XYLT1: variants seen among roughly 807,000 people sequenced by gnomAD.
XYLT1 encodes xylosyltransferase 1, also known as beta-D-xylosyltransferase 1.
A neutral mutation model predicts 91.3 loss-of-function variants in XYLT1; 36 were observed. The observed-to-expected ratio is 0.39, with a 90% CI of 0.30 to 0.52. XYLT1 has a LOEUF of 0.52. XYLT1 is among the 20% of genes least tolerant of loss of function. XYLT1 has a pLI of 0.68. For missense variants in XYLT1, 1,242 were observed against 1,284.5 expected (o/e 0.97, Z 0.51); for synonymous variants, 588 against 532.0 (o/e 1.11, Z -1.45).
At chr16:17,416,891 G>A (rs1272386779) in intron 1 of XYLT1, among the ~76,000 whole-genome samples, 5 of 152,176 alleles carry the variant, frequency 3.3e-5, no homozygotes, top group African/African-American at 9.7e-5. Flanking sequence ...CAGCAGAGAC[G>A]TTTAACCTTG....
chr16:17,134,150 T>C (rs1215147207), intron 9 of XYLT1, among the ~76,000 whole-genome samples: 3 of 152,198 alleles, frequency 2.0e-5, no homozygotes, highest in Non-Finnish European at 4.4e-5. Flanking sequence ...AAAAGTTTTG[T>C]ACCTTCCACT....
At chr16:17,333,814 C>A (rs983557767) in intron 2 of XYLT1, among the ~76,000 whole-genome samples, 3 of 151,972 alleles carry the variant, frequency 2.0e-5, no homozygotes, top group African/African-American at 7.3e-5. Context: ...TCTCGAACTC[C>A]TGACTTCAAG....
chr16:17,435,904 A>T (rs2036452718), intron 1 of XYLT1, among the ~76,000 whole-genome samples: 1 of 152,234 alleles, frequency 6.6e-6, no homozygotes, highest in South Asian at 2.1e-4. Context: ...GGCAGGAAGT[A>T]GTAGTAATGT....
chr16:17,266,683 G>A (rs1002542108), intron 2 of XYLT1, among the ~76,000 whole-genome samples: 25 of 152,284 alleles, frequency 1.6e-4, no homozygotes, highest in African/African-American at 5.8e-4. Flanking sequence ...CCCGCTCATC[G>A]TGATCAGTTT....
At chr16:17,347,562 A>G (rs2035160510) in intron 2 of XYLT1, among the ~76,000 whole-genome samples, 1 of 152,188 alleles carries the variant, frequency 6.6e-6, no homozygotes, top group South Asian at 2.1e-4. Context: ...CTCTCTAAAA[A>G]AAGAGCTCGT....
At chr16:17,162,951 T>C (rs1348218886) in intron 5 of XYLT1, among the ~76,000 whole-genome samples, 1 of 152,130 alleles carries the variant, frequency 6.6e-6, no homozygotes, top group Non-Finnish European at 1.5e-5. Context: ...GTCTTGAGAG[T>C]ATTAAATAAA....
At chr16:17,218,913 G>A (rs1197131036) in intron 3 of XYLT1, among the ~76,000 whole-genome samples, 2 of 152,160 alleles carry the variant, frequency 1.3e-5, no homozygotes, top group Non-Finnish European at 2.9e-5. Flanking sequence ...TATACCCTGG[G>A]GCAGTGGCAG....
At position 17,366,720 on chromosome 16, in the gene XYLT1, C is replaced by A. The variant is rs116646685; in HGVS notation, c.364-8670G>T. Among the ~76,000 whole-genome samples the A allele has an allele frequency of 1.6e-3, 243 of 152,144 alleles. 2 individuals are homozygous for A. The highest frequency in any genetic ancestry group is 4.4e-3 in the African/African-American group (183 of 41,508). The stretch of plus-strand genomic sequence containing the variant: ...AAAACAAACAAACAAACAAACAAAC[C>A]AACCTTACAAGAACTCCAGGAGGCA... On this transcript the variant is annotated intron_variant, in intron 1 of 11. Coordinates refer to ENST00000261381, the MANE Select transcript of XYLT1 (RefSeq NM_022166.4).
chr16:17,232,448 TAC>T (rs1166013944), intron 3 of XYLT1, among the ~76,000 whole-genome samples: 36 of 116,410 alleles, frequency 3.1e-4, no homozygotes, highest in African/African-American at 7.3e-4. Context: ...TATATATATA[TAC>T]ATATATATAT....
intron 3 of XYLT1, among the ~76,000 whole-genome samples, chr16:17,211,709 G>C (rs1038400057): frequency 2.0e-5 from 3 of 152,170 alleles, no homozygotes; most frequent in Non-Finnish European, 4.4e-5. Context: ...TCTATGACCA[G>C]GCTTTGGCTA....
At chr16:17,419,623 T>C (rs1009490836) in intron 1 of XYLT1, among the ~76,000 whole-genome samples, 1 of 152,266 alleles carries the variant, frequency 6.6e-6, no homozygotes, top group African/African-American at 2.4e-5. Flanking sequence ...CTGAAATGAC[T>C]CTTGGTACTT....
chr16:17,132,172 T>C (rs750141593), intron 9 of XYLT1, among the ~76,000 whole-genome samples: 6 of 152,166 alleles, frequency 3.9e-5, no homozygotes, highest in Admixed American at 6.5e-5. Context: ...CACTGCACTG[T>C]CTACTGGGGA....
At chr16:17,366,944 G>T (rs973295938) in intron 1 of XYLT1, among the ~76,000 whole-genome samples, 1 of 152,026 alleles carries the variant, frequency 6.6e-6, no homozygotes, top group African/African-American at 2.4e-5. Context: ...GGTTCTATCA[G>T]CATCTGGCAC....
chr16:17,267,350 A>G (rs1235912356), intron 2 of XYLT1, among the ~76,000 whole-genome samples: 1 of 152,272 alleles, frequency 6.6e-6, no homozygotes, highest in Non-Finnish European at 1.5e-5. Flanking sequence ...TAAGCACTCA[A>G]GTGGCAGCAG....
chr16:17,109,321 T>G (rs1357378962), intron 11 of XYLT1, among the ~76,000 whole-genome samples: 1 of 152,188 alleles, frequency 6.6e-6, no homozygotes, highest in African/African-American at 2.4e-5. Flanking sequence ...GCACCTACAT[T>G]GTGCCAGGCA....
intron 2 of XYLT1, among the ~76,000 whole-genome samples, chr16:17,300,966 T>C (rs1255719159): frequency 6.6e-6 from 1 of 152,148 alleles, no homozygotes; most frequent in Non-Finnish European, 1.5e-5. Flanking sequence ...CTGGGTATGT[T>C]ACTTTACCTC....
chr16:17,292,279 G>A lies in XYLT1; in HGVS notation c.403-32781C>T, dbSNP rs181689814. On this transcript the variant is annotated intron_variant, in intron 2 of 11. Coordinates refer to ENST00000261381, the MANE Select transcript of XYLT1 (RefSeq NM_022166.4). ...CTGTCTCTGAGCTTATGAGACATGT[G>A]AGAGATATGAATTGTCTTTGAGCTT... Among the ~76,000 whole-genome samples the A allele has an allele frequency of 1.5e-3, 234 of 152,266 alleles. 1 individual carries two copies. Among genetic ancestry groups the A allele is most frequent in the South Asian group, 6.2e-3 (30 of 4,822 alleles).
intron 4 of XYLT1, among the ~76,000 whole-genome samples, chr16:17,199,480 G>A (rs1304318289): frequency 6.6e-6 from 1 of 152,158 alleles, no homozygotes; most frequent in African/African-American, 2.4e-5. Context: ...TAGAAAAAGT[G>A]TACGCACTCC....
intron 1 of XYLT1, among the ~76,000 whole-genome samples, chr16:17,390,969 T>C (rs1474494443): frequency 6.6e-6 from 1 of 151,978 alleles, no homozygotes; most frequent in Non-Finnish European, 1.5e-5. Flanking sequence ...ACCTGGGAGA[T>C]AGAGGTTGCA....
Sources: gnomAD v4.1 joint callset for allele counts (sites outside exome capture counted in the v4.1 genomes callset) on GRCh38, gnomAD v4.1.1 for gene constraint, MANE v1.5 for transcripts, NCBI Gene and HGNC (gene_info 2026-07-23, HGNC 2026-07-21) for gene names.